MDGA2: variants seen among roughly 807,000 people sequenced by gnomAD.
MDGA2 encodes MAM domain-containing glycosylphosphatidylinositol anchor protein 2.
A neutral mutation model predicts 117.8 loss-of-function variants in MDGA2; 40 were observed. The ratio of observed to expected loss-of-function variants is 0.34; its 90% CI spans 0.26 to 0.44. The LOEUF (loss-of-function observed/expected upper bound fraction) is 0.44. Among genes scored for constraint, MDGA2 ranks in the 20% least tolerant of loss-of-function variants. MDGA2 has a pLI of 1.00. For missense variants in MDGA2, 1,123 were observed against 1,250.6 expected, an observed-to-expected ratio of 0.90 and a Z score of 1.54; for synonymous variants, 452 against 439.0, an observed-to-expected ratio of 1.03 and a Z score of -0.37.
At chr14:47,428,979 T>C (rs1892745304) in intron 1 of MDGA2, among the ~76,000 whole-genome samples, 1 of 151,780 alleles carries the variant, frequency 6.6e-6, no homozygotes. Context: ...ATAAAAAAAC[T>C]AAGGGGAGGC....
intron 1 of MDGA2, among the ~76,000 whole-genome samples, chr14:47,586,882 T>TCC (rs956014779): frequency 4.6e-5 from 3 of 64,848 alleles, no homozygotes; most frequent in African/African-American, 9.3e-5. Flanking sequence ...TGAACATCTG[T>TCC]CCGTTTCCAG....
chr14:46,857,026 A>T (rs1881295323), intron 14 of MDGA2, among the ~76,000 whole-genome samples: 1 of 152,172 alleles, frequency 6.6e-6, no homozygotes, highest in African/African-American at 2.4e-5. Flanking sequence ...CAAATGTAAC[A>T]ACCTTACACA....
rs148633662 is a variant in MDGA2 at position 47,474,309 on chromosome 14, C to A, written c.281-172759G>T. 2.8e-3 allele frequency among the ~76,000 whole-genome samples: 428 copies of A among 152,190 alleles called. 1 individual carries two copies. The highest frequency in any genetic ancestry group is 9.8e-3 in the African/African-American group (406 of 41,548). ...AGGACATCTTCAAGAAGAACTCAAACCACTTCTCAAGGAAATCAGAGAGGA... is the reference window on the plus strand; with the variant it reads ...AGGACATCTTCAAGAAGAACTCAAAACACTTCTCAAGGAAATCAGAGAGGA... On this transcript the variant is annotated intron_variant, in intron 1 of 16. Transcript: ENST00000399232.
intron 1 of MDGA2, among the ~76,000 whole-genome samples, chr14:47,368,720 C>T (rs10483574): frequency 0.18 from 27,766 of 152,000 alleles, 2,704 homozygotes; most frequent in Admixed American, 0.26. Flanking sequence ...TCAGGTTTTA[C>T]GTTGTCATTA....
chr14:47,476,848 A>C (rs1014007611), intron 1 of MDGA2, among the ~76,000 whole-genome samples: 3 of 152,134 alleles, frequency 2.0e-5, no homozygotes, highest in African/African-American at 4.8e-5. Flanking sequence ...TTTAATATTC[A>C]ATGTTTTCAT....
intron 1 of MDGA2, among the ~76,000 whole-genome samples, chr14:47,575,674 T>C (rs1389233282): frequency 6.6e-6 from 1 of 152,196 alleles, no homozygotes; most frequent in Non-Finnish European, 1.5e-5. Context: ...AGGGAACATG[T>C]GTGTGAGCCA....
At chr14:47,043,167 G>C (rs1043405101) in intron 7 of MDGA2, among the ~76,000 whole-genome samples, 1 of 151,854 alleles carries the variant, frequency 6.6e-6, no homozygotes, top group Non-Finnish European at 1.5e-5. Context: ...AGATGTTCAG[G>C]ATGACAAAAA....
intron 1 of MDGA2, among the ~76,000 whole-genome samples, chr14:47,429,297 C>G (rs1252343043): frequency 6.6e-6 from 1 of 151,654 alleles, no homozygotes; most frequent in Non-Finnish European, 1.5e-5. Context: ...TATATACACA[C>G]ATATATATTT....
chr14:47,202,704 G>A (rs1462575457), intron 3 of MDGA2, among the ~76,000 whole-genome samples: 1 of 152,112 alleles, frequency 6.6e-6, no homozygotes, highest in Non-Finnish European at 1.5e-5. Flanking sequence ...AGGTGCATGA[G>A]GTTCAGACAG....
At chr14:47,304,815 T>C (rs187001733) in intron 1 of MDGA2, among the ~76,000 whole-genome samples, 144 of 152,258 alleles carry the variant, frequency 9.5e-4, no homozygotes, top group African/African-American at 3.3e-3. Flanking sequence ...CTATCCTCAG[T>C]GAGAATGCAA....
intron 8 of MDGA2, among the ~76,000 whole-genome samples, chr14:46,981,171 A>ACG (rs1555340285): frequency 1.3e-5 from 2 of 150,902 alleles, no homozygotes; most frequent in Admixed American, 6.6e-5. Context: ...TGGGAGGCCA[A>ACG]GGGGGGGGCG....
intron 8 of MDGA2, among the ~76,000 whole-genome samples, chr14:46,984,536 T>C (rs947534499): frequency 2.0e-5 from 3 of 152,016 alleles, no homozygotes; most frequent in African/African-American, 4.8e-5. Flanking sequence ...AAAATCATGA[T>C]AGTGGTTTCC....
chr14:46,939,415 A>G (rs1357587500), intron 9 of MDGA2, among the ~76,000 whole-genome samples: 2 of 152,218 alleles, frequency 1.3e-5, no homozygotes, highest in African/African-American at 4.8e-5. Flanking sequence ...AAAGTTTTTA[A>G]CAAGATTCTC....
intron 3 of MDGA2, among the ~76,000 whole-genome samples, chr14:47,168,567 AAG>A (rs1566661339): frequency 6.6e-6 from 1 of 152,056 alleles, no homozygotes; most frequent in East Asian, 1.9e-4. Flanking sequence ...GTTATTACTA[AAG>A]AGAGTGTTGA....
At chr14:47,022,860 G>T (rs1318064852) in intron 8 of MDGA2, among the ~76,000 whole-genome samples, 1 of 152,134 alleles carries the variant, frequency 6.6e-6, no homozygotes, top group Non-Finnish European at 1.5e-5. Context: ...AATGCTATTT[G>T]CCAGTTTAGG....
intron 1 of MDGA2, among the ~76,000 whole-genome samples, chr14:47,600,986 T>TAAA (rs1896637011): frequency 1.3e-5 from 2 of 152,214 alleles, no homozygotes; most frequent in African/African-American, 4.8e-5. Flanking sequence ...ATATCTACTG[T>TAAA]TTATAAGACT....
chr14:47,503,426 T>A (rs1328105112), intron 1 of MDGA2, among the ~76,000 whole-genome samples: 8 of 150,346 alleles, frequency 5.3e-5, no homozygotes, highest in Non-Finnish European at 1.2e-4. Flanking sequence ...ACTACCTTTT[T>A]TTTTTTTTTT....
At chr14:47,282,409 G>C (rs1411975367) in intron 2 of MDGA2, among the ~76,000 whole-genome samples, 1 of 152,110 alleles carries the variant, frequency 6.6e-6, no homozygotes, top group African/African-American at 2.4e-5. Context: ...GTAGGGTGTG[G>C]TGGCTCACGC....
chr14:47,294,824 C>G (rs905061532), intron 2 of MDGA2, among the ~76,000 whole-genome samples: 5 of 152,040 alleles, frequency 3.3e-5, no homozygotes, highest in African/African-American at 4.8e-5. Flanking sequence ...GAACTGGCTA[C>G]TAATGTTTGC....
Sources: gnomAD v4.1 joint callset for allele counts (sites outside exome capture counted in the v4.1 genomes callset) on GRCh38, gnomAD v4.1.1 for gene constraint, MANE v1.5 for transcripts, NCBI Gene and HGNC (gene_info 2026-07-23, HGNC 2026-07-21) for gene names.